The following TRIM14 variants were observed in gnomAD, a reference collection of about 807,000 sequenced individuals.
TRIM14 encodes tripartite motif-containing protein 14.
In TRIM14, 28 loss-of-function variants were observed where a neutral mutation model predicts 44.5. The observed-to-expected ratio is 0.63, with a 90% CI of 0.47 to 0.86. The LOEUF is 0.86. TRIM14 is among the 40% of genes least tolerant of loss of function. The probability of loss-of-function intolerance (pLI) is 0.00; values close to 1 mark genes in which losing one functional copy is unlikely to be tolerated. For missense variants in TRIM14, 607 were observed against 611.1 expected, an observed-to-expected ratio of 0.99 and a Z score of 0.07; for synonymous variants, 299 against 269.2, an observed-to-expected ratio of 1.11 and a Z score of -1.08.
chr9:98,112,701 A>G (rs1167691260), intron 1 of TRIM14, among the ~76,000 whole-genome samples: 1 of 148,394 alleles, frequency 6.7e-6, no homozygotes, highest in Non-Finnish European at 1.5e-5. Context: ...CAGGAGGCTG[A>G]GGCAGGAGAT....
intron 4 of TRIM14, 24 bp from the exon 5 acceptor site, chr9:98,092,025 A>G (rs759536599): frequency 2.6e-5 from 40 of 1,562,484 alleles, no homozygotes; most frequent in Admixed American, 7.1e-5. Flanking sequence ...TTGAGAAATG[A>G]GCGCCCGGAG....
At chr9:98,094,299 G>A (rs1826104543) in intron 4 of TRIM14, among the ~76,000 whole-genome samples, 1 of 152,114 alleles carries the variant, frequency 6.6e-6, no homozygotes, top group African/African-American at 2.4e-5. Context: ...CAGGCCCTGG[G>A]GGGACCTCAG....
chr9:98,089,959 AGC>A (rs1825938368), intron 5 of TRIM14, among the ~76,000 whole-genome samples: 1 of 152,184 alleles, frequency 6.6e-6, no homozygotes, highest in African/African-American at 2.4e-5. Flanking sequence ...AACTCTGCAA[AGC>A]GTTGAGCAAC....
intron 3 of TRIM14, among the ~76,000 whole-genome samples, chr9:98,096,196 TG>T (rs1471554826): frequency 6.6e-6 from 1 of 152,102 alleles, no homozygotes; most frequent in Non-Finnish European, 1.5e-5. Flanking sequence ...AGATCCCACC[TG>T]GCAGCATGCT....
At chr9:98,081,373 C>T (rs1347073004), downstream of TRIM14, 6 of 417,592 alleles carry the variant, frequency 1.4e-5, no homozygotes, top group African/African-American at 1.0e-4. Context: ...CCCAGTACTC[C>T]TAGACTCCAG....
At chr9:98,105,834 C>T in intron 2 of TRIM14, among the ~76,000 whole-genome samples, 1 of 152,158 alleles carries the variant, frequency 6.6e-6, no homozygotes, top group South Asian at 2.1e-4. Context: ...CCACAAAGAG[C>T]TGCTCCATCC....
At chr9:98,074,329 A>G (rs1026891288) in intron 6 of TRIM14, among the ~76,000 whole-genome samples, 1 of 152,000 alleles carries the variant, frequency 6.6e-6, no homozygotes, top group Non-Finnish European at 1.5e-5. Context: ...GGGAGAGAGG[A>G]GTGCTGAGGC....
Position 98,119,033 on chromosome 9 carries a change from C to T in TRIM14, c.156G>A (p.Ala52=). The change falls in exon 1 of 6, where the codon GCG becomes GCA. Residue 52 remains alanine, a synonymous_variant. Coordinates refer to ENST00000341469, the MANE Select transcript of TRIM14 (RefSeq NM_014788.4). The part of the protein sequence containing the change: ...CVCALCPVLG[A]HRGHPVGLAL... ...CCAGGCCCACAGGGTGGCCACGGTG[C>T]GCGCCCAGCACCGGGCAAAGCGCGC... is the stretch of plus-strand genomic sequence containing the variant. 1.3e-6 allele frequency: 2 copies of T among 1,572,716 alleles called. No homozygotes were observed. The highest frequency in any genetic ancestry group is 2.4e-5 in the East Asian group (1 of 41,882).
intron 2 of TRIM14, among the ~76,000 whole-genome samples, 166 bp from the exon 3 acceptor site, chr9:98,100,330 C>T (rs1826343901): frequency 1.3e-5 from 2 of 152,164 alleles, no homozygotes; most frequent in Admixed American, 1.3e-4. Context: ...ACCAGCCCAT[C>T]ACCGATCGTA....
At chr9:98,107,283 T>C (rs1826651203) in intron 2 of TRIM14, among the ~76,000 whole-genome samples, 1 of 152,336 alleles carries the variant, frequency 6.6e-6, no homozygotes, top group African/African-American at 2.4e-5. Context: ...ATAGCATTCC[T>C]GGGCATCTAA....
chr9:98,082,695 T>G, downstream of TRIM14: 108 of 635,798 alleles, frequency 1.7e-4, no homozygotes, highest in Non-Finnish European at 2.6e-4. Flanking sequence ...CTGCCATGTA[T>G]GAGATATTCT....
In TRIM14 at chr9:98,087,547, G is replaced by C; in HGVS notation, c.1252C>G (p.Arg418Gly). Residue 418 changes from arginine (R) to glycine (G), a missense_variant, in exon 6 of 6, where the codon CGC (arginine) becomes GGC (glycine). This residue lies in a region of TRIM14 where 356 missense variants were observed against 323.0 expected (regional missense o/e 1.10). Coordinates refer to ENST00000341469, the MANE Select transcript of TRIM14 (RefSeq NM_014788.4). ...TAGAGCGGCTCCTGGAACGTGGCGC[G>C]GAAGGTATGCAGGTGGCTCATGCCG... ...TGGMSHLHTF[R>G]ATFQEPLYPA... 1 of 1,595,546 alleles carries C rather than the reference G, an allele frequency of 6.3e-7. No homozygotes were observed. Among genetic ancestry groups the C allele is most frequent in the Non-Finnish European group, 8.5e-7 (1 of 1,173,006 alleles).
the TRIM14 span, among the ~76,000 whole-genome samples, chr9:98,039,657 C>G: frequency 1.3e-5 from 2 of 152,050 alleles, no homozygotes; most frequent in East Asian, 3.9e-4. Context: ...TCAGCTGGCC[C>G]TACCCAGATC....
chr9:98,067,249 C>A (rs762457096), downstream of TRIM14, among the ~76,000 whole-genome samples: 10 of 152,114 alleles, frequency 6.6e-5, no homozygotes, highest in Admixed American at 1.3e-4. Flanking sequence ...GACATGTGTT[C>A]ATTTCTCTTC....
At chr9:98,097,638 A>G (rs1826234412) in intron 3 of TRIM14, among the ~76,000 whole-genome samples, 1 of 152,206 alleles carries the variant, frequency 6.6e-6, no homozygotes, top group Non-Finnish European at 1.5e-5. Context: ...GTGAGCTCCT[A>G]ATGTCCAGCA....
At chr9:98,110,938 T>C (rs922480780) in intron 1 of TRIM14, among the ~76,000 whole-genome samples, 8 of 151,334 alleles carry the variant, frequency 5.3e-5, no homozygotes, top group African/African-American at 1.2e-4. Flanking sequence ...TCCTAACTAC[T>C]TGGGAGGCTG....
chr9:98,084,394 GA>G lies in TRIM14; in HGVS notation c.*3075del, dbSNP rs1825688604. On this transcript the variant is annotated 3_prime_UTR_variant, in exon 6 of 6. Transcript: ENST00000341469. ...TCACATTTTATTAAACCAAATATTAGAAAATTGCTGTCATTTAAAAATATCT... is the reference window on the plus strand; with the variant it reads ...TCACATTTTATTAAACCAAATATTAGAAATTGCTGTCATTTAAAAATATCT... 1 of 152,148 alleles carries G rather than the reference GA, an allele frequency of 6.6e-6. No homozygotes were observed. The highest frequency in any genetic ancestry group is 1.5e-5 in the Non-Finnish European group (1 of 68,030). 9.4% of individuals were successfully genotyped at this position (152,148 alleles called of 1,614,324 possible). A position where few individuals can be genotyped will look rare whatever the true frequency, so the allele number is the denominator to read the frequency against.
the TRIM14 span, among the ~76,000 whole-genome samples, chr9:98,059,928 A>T: frequency 1.3e-5 from 2 of 152,182 alleles, no homozygotes; most frequent in Non-Finnish European, 2.9e-5. Context: ...TCAGAGAAAG[A>T]GGCATAGGGC....
the TRIM14 span, among the ~76,000 whole-genome samples, chr9:98,054,471 G>A: frequency 6.6e-6 from 1 of 152,152 alleles, no homozygotes; most frequent in East Asian, 1.9e-4. Flanking sequence ...AAGGAAAGGG[G>A]TGTTGGCAGC....
Sources: gnomAD v4.1 joint callset for allele counts (sites outside exome capture counted in the v4.1 genomes callset) on GRCh38, gnomAD v4.1.1 for gene constraint, gnomAD v4.1.1 regional missense constraint, MANE v1.5 for transcripts, NCBI Gene and HGNC (gene_info 2026-07-23, HGNC 2026-07-21) for gene names.